Variants in GPRASP3 observed in about 807,000 individuals in gnomAD.
GPRASP3 encodes G protein-coupled receptor associated sorting protein 3.
the GPRASP3 span, chrX:102,750,764 A>G: frequency 2.5e-5 from 13 of 528,685 alleles, no homozygotes; most frequent in African/African-American, 9.5e-5. Context: ...GGTTTGAGCT[A>G]GACTATTTTG....
At chrX:102,735,463 G>A in the GPRASP3 span, among the ~76,000 whole-genome samples, 1 of 103,537 alleles carries the variant, frequency 9.7e-6, no homozygotes, top group East Asian at 3.0e-4. Flanking sequence ...GGAGTGCAGT[G>A]GCACCATCTC....
At chrX:102,750,784 A>G in the GPRASP3 span, 17 of 400,413 alleles carry the variant, frequency 4.2e-5, no homozygotes, top group Non-Finnish European at 6.1e-5. Flanking sequence ...GGGGGTATCA[A>G]ATGAATATTA....
chrX:102,743,318 A>G, the GPRASP3 span, among the ~76,000 whole-genome samples: 2 of 111,228 alleles, frequency 1.8e-5, no homozygotes, highest in Non-Finnish European at 3.8e-5. Flanking sequence ...TCCTTTCACA[A>G]TAGATATATA....
At chrX:102,732,911 C>T in the GPRASP3 span, among the ~76,000 whole-genome samples, 30 of 111,573 alleles carry the variant, frequency 2.7e-4, no homozygotes, top group South Asian at 0.011. Context: ...GTTCCTAGGC[C>T]TGTCAGAAAA....
the GPRASP3 span, among the ~76,000 whole-genome samples, chrX:102,740,308 T>G: frequency 2.7e-5 from 3 of 110,152 alleles, no homozygotes; most frequent in Non-Finnish European, 5.7e-5. Context: ...GAGAGAGAGA[T>G]CGATTGATTG....
At chrX:102,751,065 G>A in the GPRASP3 span, 2 of 127,791 alleles carry the variant, frequency 1.6e-5, no homozygotes, top group African/African-American at 3.2e-5. Flanking sequence ...ATGGCCAAAT[G>A]TGCGCACTCT....
At chrX:102,729,879 T>C in the GPRASP3 span, among the ~76,000 whole-genome samples, 3 of 111,511 alleles carry the variant, frequency 2.7e-5, no homozygotes, top group African/African-American at 9.8e-5. Flanking sequence ...ATCAGTAGAC[T>C]GGACACAGTT....
chrX:102,751,310 G>A, the GPRASP3 span: 17 of 123,736 alleles, frequency 1.4e-4, no homozygotes, highest in African/African-American at 5.5e-4. Flanking sequence ...AACGTTTTGT[G>A]AGTGCCTATT....
the GPRASP3 span, among the ~76,000 whole-genome samples, chrX:102,730,875 T>A: frequency 1.8e-5 from 2 of 112,410 alleles, no homozygotes; most frequent in Non-Finnish European, 3.8e-5. Flanking sequence ...GCTTAATATT[T>A]TCCTTTTGGC....
chrX:102,727,998 T>A, the GPRASP3 span, among the ~76,000 whole-genome samples: 1 of 111,196 alleles, frequency 9.0e-6, no homozygotes, highest in African/African-American at 3.3e-5. Context: ...CTGTACAAAC[T>A]CCCTTTAGAA....
the GPRASP3 span, among the ~76,000 whole-genome samples, chrX:102,741,509 C>T: frequency 8.9e-6 from 1 of 112,310 alleles, no homozygotes; most frequent in African/African-American, 3.2e-5. Context: ...AGTTGCTTCA[C>T]CCTCTTGCCT....
chrX:102,724,416 T>C, the GPRASP3 span, among the ~76,000 whole-genome samples: 1 of 111,695 alleles, frequency 9.0e-6, no homozygotes, highest in Admixed American at 9.5e-5. Context: ...AAAAGCAGTC[T>C]GTTTTTGTGG....
the GPRASP3 span, among the ~76,000 whole-genome samples, chrX:102,740,483 C>G: frequency 8.9e-6 from 1 of 111,776 alleles, no homozygotes; most frequent in Non-Finnish European, 1.9e-5. Context: ...CCTGTAAAGC[C>G]TTCCCCAGAT....
the GPRASP3 span, chrX:102,750,072 G>T: frequency 8.3e-7 from 1 of 1,207,144 alleles, no homozygotes; most frequent in Non-Finnish European, 1.1e-6. Context: ...TTGCCCAAGA[G>T]TTTATTAACG....
chrX:102,742,866 C>T, the GPRASP3 span, among the ~76,000 whole-genome samples: 1 of 112,099 alleles, frequency 8.9e-6, no homozygotes. Flanking sequence ...GAGGTCTTGA[C>T]AACATGTGCC....
At chrX:102,748,287 G>A in the GPRASP3 span, among the ~76,000 whole-genome samples, 1 of 111,846 alleles carries the variant, frequency 8.9e-6, no homozygotes, top group Non-Finnish European at 1.9e-5. Flanking sequence ...GTTAACTATA[G>A]GGCATATCAA....
chrX:102,736,800 A>G, the GPRASP3 span, among the ~76,000 whole-genome samples: 2 of 112,025 alleles, frequency 1.8e-5, no homozygotes, highest in East Asian at 5.6e-4. Flanking sequence ...AGCCATCCAT[A>G]TATTTCCTAC....
At chrX:102,737,664 A>G in the GPRASP3 span, among the ~76,000 whole-genome samples, 7 of 111,573 alleles carry the variant, frequency 6.3e-5, no homozygotes, top group African/African-American at 2.3e-4. Flanking sequence ...CCAAGCCACA[A>G]CACCAAGGAA....
the GPRASP3 span, among the ~76,000 whole-genome samples, chrX:102,727,216 A>G: frequency 1.8e-5 from 2 of 112,830 alleles, no homozygotes; most frequent in Non-Finnish European, 3.7e-5. Context: ...CGAAGGACTC[A>G]GCTTTTTTCC....
Sources: allele counts gnomAD v4.1 joint callset (sites outside exome capture counted in the v4.1 genomes callset), GRCh38; gene constraint gnomAD v4.1.1; transcripts MANE v1.5; gene names NCBI Gene and HGNC (gene_info 2026-07-23, HGNC 2026-07-21).